SBF2: variants seen among roughly 807,000 people sequenced by gnomAD.
The protein encoded by SBF2 is myotubularin-related protein 13.
In SBF2, 112 loss-of-function variants were observed where a neutral mutation model predicts 225.2. That is an observed-to-expected ratio of 0.50 (90% CI 0.43 to 0.58). The LOEUF (loss-of-function observed/expected upper bound fraction) is 0.58, where lower values mean the gene tolerates loss of function less well. SBF2 is among the 20% of genes least tolerant of loss of function. SBF2 has a pLI of 0.00. For missense variants in SBF2, 1,996 were observed against 2,206.2 expected, an observed-to-expected ratio of 0.90 and a Z score of 1.91; for synonymous variants, 763 against 773.3, an observed-to-expected ratio of 0.99 and a Z score of 0.22.
Position 9,781,550 on chromosome 11 carries a change from C to A in SBF2, c.5408G>T (p.Ser1803Ile), listed in dbSNP as rs765472480. The A allele has an allele frequency of 2.5e-6, 4 of 1,614,226 alleles. No individual in the cohort carries two copies. Among genetic ancestry groups the A allele is most frequent in the Non-Finnish European group, 3.4e-6 (4 of 1,180,038 alleles). The part of the protein sequence containing the change: ...EVEMVIPAGP[S>I]MGAPKHTSDK... ...ACTTGTGTGCTTTGGGGCTCCCATG[C>A]TGGGGCCAGCAGGGATGACCATTTC... is the stretch of plus-strand genomic sequence containing the variant. Residue 1803 changes from serine (S) to isoleucine (I), a missense_variant, in exon 39 of 40, where the codon AGC becomes ATC. Transcript: ENST00000256190.
chr11:9,871,455 C>G (rs1243312581), intron 17 of SBF2, among the ~76,000 whole-genome samples: 1 of 138,290 alleles, frequency 7.2e-6, no homozygotes, highest in Non-Finnish European at 1.6e-5. Context: ...ACACCTCACA[C>G]CAGACAGGAT....
intron 21 of SBF2, among the ~76,000 whole-genome samples, chr11:9,851,503 A>G (rs985096266): frequency 6.6e-6 from 1 of 152,206 alleles, no homozygotes; most frequent in African/African-American, 2.4e-5. Flanking sequence ...TACACAACTC[A>G]GGAAATTCTG....
At chr11:10,280,334 AG>A (rs1963319810) in intron 1 of SBF2, among the ~76,000 whole-genome samples, 1 of 152,182 alleles carries the variant, frequency 6.6e-6, no homozygotes, top group Non-Finnish European at 1.5e-5. Context: ...CCACAACATA[AG>A]GAACTTTATT....
intron 27 of SBF2, 25 bp from the exon 28 acceptor site, chr11:9,829,521 A>T: frequency 6.4e-7 from 1 of 1,556,756 alleles, no homozygotes; most frequent in Non-Finnish European, 8.9e-7. Flanking sequence ...TATATTGAAT[A>T]AAATAAACTG....
chr11:10,245,405 C>G (rs1959685270), intron 1 of SBF2, among the ~76,000 whole-genome samples: 1 of 151,852 alleles, frequency 6.6e-6, no homozygotes, highest in African/African-American at 2.4e-5. Flanking sequence ...CTGGGCAACA[C>G]AGCGGGACCC....
intron 17 of SBF2, among the ~76,000 whole-genome samples, chr11:9,889,520 G>A (rs1184151886): frequency 6.6e-6 from 1 of 152,052 alleles, no homozygotes; most frequent in African/African-American, 2.4e-5. Context: ...TTTAAACTGA[G>A]GAGTCATGTT....
intron 2 of SBF2, among the ~76,000 whole-genome samples, chr11:10,179,379 C>CAA (rs1317679323): frequency 1.7e-5 from 2 of 117,884 alleles, no homozygotes; most frequent in Admixed American, 8.2e-5. Flanking sequence ...AAAACAAAAA[C>CAA]AAAAAAACAA....
intron 16 of SBF2, among the ~76,000 whole-genome samples, chr11:9,940,131 C>T (rs547272158): frequency 7.6e-4 from 116 of 152,272 alleles, no homozygotes; most frequent in African/African-American, 2.6e-3. Flanking sequence ...AGGCCGGGCG[C>T]GGTGGCTCAC....
At chr11:10,195,354 T>A (rs1957317210) in intron 1 of SBF2, among the ~76,000 whole-genome samples, 1 of 152,180 alleles carries the variant, frequency 6.6e-6, no homozygotes, top group Admixed American at 6.5e-5. Flanking sequence ...GGAATCAACT[T>A]CCCATTGAAC....
intron 1 of SBF2, among the ~76,000 whole-genome samples, chr11:10,228,084 T>C (rs1591262710): frequency 6.6e-6 from 1 of 151,726 alleles, no homozygotes; most frequent in East Asian, 1.9e-4. Flanking sequence ...TTTGAAGCAA[T>C]TGTGAATGGG....
intron 33 of SBF2, among the ~76,000 whole-genome samples, chr11:9,792,939 G>GTGT (rs1852849318): frequency 3.3e-5 from 4 of 121,198 alleles, no homozygotes; most frequent in South Asian, 2.7e-4. Flanking sequence ...GTGTGTGTGT[G>GTGT]TTTTTTTTTT....
chr11:9,788,743 C>T (rs991383833), intron 35 of SBF2, among the ~76,000 whole-genome samples: 10 of 150,464 alleles, frequency 6.6e-5, no homozygotes, highest in East Asian at 3.9e-4. Context: ...TACAGGCGCC[C>T]GCCACCACGC....
intron 2 of SBF2, among the ~76,000 whole-genome samples, chr11:10,178,642 A>G (rs1237159050): frequency 2.7e-5 from 4 of 146,046 alleles, no homozygotes; most frequent in Non-Finnish European, 4.5e-5. Context: ...AACCACAATG[A>G]GATACCATCT....
intron 2 of SBF2, among the ~76,000 whole-genome samples, chr11:10,118,029 A>G (rs1179251734): frequency 6.6e-6 from 1 of 152,176 alleles, no homozygotes; most frequent in Non-Finnish European, 1.5e-5. Flanking sequence ...ATTCACTGAA[A>G]CAACTGATCT....
In SBF2 at chr11:10,249,932, AAGAG is replaced by A. The variant is rs1960191462; in HGVS notation, c.55+44079_55+44082del. Among the ~76,000 whole-genome samples the A allele has an allele frequency of 2.0e-5, 3 of 151,978 alleles. No individual in the cohort carries two copies. In the South Asian group the frequency reaches 6.2e-4, roughly 32 times the overall value. ...CCCTGAAGCATCTAAAAGAGACGTAAAGAGAATTATTTAACATGTTAAGTTACAT... is the reference window on the plus strand; with the variant it reads ...CCCTGAAGCATCTAAAAGAGACGTAAAATTATTTAACATGTTAAGTTACAT... On this transcript the variant is annotated intron_variant, in intron 1 of 39. Transcript: ENST00000256190.
At chr11:9,916,303 T>C (rs935470907) in intron 16 of SBF2, among the ~76,000 whole-genome samples, 18 of 152,176 alleles carry the variant, frequency 1.2e-4, no homozygotes, top group African/African-American at 3.6e-4. Context: ...TGAAATGTTA[T>C]TGTCAATGGT....
At chr11:10,172,847 T>C (rs960244372) in intron 2 of SBF2, among the ~76,000 whole-genome samples, 5 of 152,142 alleles carry the variant, frequency 3.3e-5, no homozygotes, top group African/African-American at 1.2e-4. Context: ...TTATATTTTT[T>C]AGTAGAGACA....
chr11:10,211,520 T>G (rs991824840), intron 1 of SBF2, among the ~76,000 whole-genome samples: 4 of 152,224 alleles, frequency 2.6e-5, no homozygotes, highest in African/African-American at 7.2e-5. Context: ...GGTCCTCCAA[T>G]TTTTTATGGA....
chr11:10,054,688 A>G (rs1950188932), intron 2 of SBF2, among the ~76,000 whole-genome samples: 1 of 152,208 alleles, frequency 6.6e-6, no homozygotes, highest in Admixed American at 6.5e-5. Flanking sequence ...TCCAAAATCT[A>G]TAAGAAACTT....
Sources: allele counts gnomAD v4.1 joint callset (sites outside exome capture counted in the v4.1 genomes callset), GRCh38; gene constraint gnomAD v4.1.1; transcripts MANE v1.5; gene names NCBI Gene and HGNC (gene_info 2026-07-23, HGNC 2026-07-21).